Variants in GLB1L2 observed in about 807,000 individuals in gnomAD.
GLB1L2 encodes galactosidase beta 1 like 2, also known as beta-galactosidase-1-like protein 2.
GLB1L2 carries 68 observed loss-of-function variants against 84.1 expected under a neutral mutation model. The ratio of observed to expected loss-of-function variants is 0.81; its 90% CI spans 0.67 to 0.99. GLB1L2 has a LOEUF of 0.99. Ranked by LOEUF, GLB1L2 falls within the 50% of genes least tolerant of loss-of-function variation. The pLI, the probability that GLB1L2 is intolerant of heterozygous loss-of-function variation, is 0.00. For missense variants in GLB1L2, 762 were observed against 805.6 expected (o/e 0.95, Z 0.66); for synonymous variants, 290 against 318.0 (o/e 0.91, Z 0.94).
intron 1 of GLB1L2, among the ~76,000 whole-genome samples, chr11:134,340,136 A>G (rs1255429162): frequency 6.6e-6 from 1 of 152,206 alleles, no homozygotes; most frequent in African/African-American, 2.4e-5. Context: ...TCTCGCACCC[A>G]TAAGTAGATG....
intron 8 of GLB1L2, chr11:134,364,766 A>G: frequency 5.1e-6 from 1 of 197,946 alleles, no homozygotes; most frequent in Middle Eastern, 1.8e-3. Context: ...TTAACCTGTG[A>G]GGCCCCTGCA....
intron 5 of GLB1L2, 35 bp downstream of exon 5, chr11:134,347,468 T>C (rs765119823): frequency 1.4e-6 from 2 of 1,428,480 alleles, no homozygotes; most frequent in South Asian, 1.1e-5. Context: ...GATCTTGGTC[T>C]GTCTTCCTCT....
intron 10 of GLB1L2, among the ~76,000 whole-genome samples, chr11:134,369,158 A>G (rs1196596287): frequency 6.6e-6 from 1 of 152,138 alleles, no homozygotes. Flanking sequence ...ACCTGCAGCT[A>G]GAAATTTAGG....
At chr11:134,362,527 C>T (rs921566878) in intron 7 of GLB1L2, among the ~76,000 whole-genome samples, 4 of 152,230 alleles carry the variant, frequency 2.6e-5, no homozygotes, top group African/African-American at 4.8e-5. Flanking sequence ...GGCCGTGGGG[C>T]TTTTTCAAGA....
intron 16 of GLB1L2, 136 bp downstream of exon 16, chr11:134,373,944 G>A (rs909098114): frequency 2.8e-5 from 21 of 762,086 alleles, no homozygotes; most frequent in Non-Finnish European, 4.4e-5. Flanking sequence ...GGCTGGCCGA[G>A]GTGAGGGGTG....
At chr11:134,336,972 G>A (rs1454516002) in intron 1 of GLB1L2, among the ~76,000 whole-genome samples, 2 of 152,172 alleles carry the variant, frequency 1.3e-5, no homozygotes, top group African/African-American at 4.8e-5. Context: ...CAGAATGTTA[G>A]AACACTTTTT....
At chr11:134,373,869 C>A (rs533738563) in intron 16 of GLB1L2, 61 bp downstream of exon 16, 25 of 1,232,660 alleles carry the variant, frequency 2.0e-5, no homozygotes, top group African/African-American at 1.5e-5. Flanking sequence ...TGGTGGGGCC[C>A]AGGGGTCCCT....
chr11:134,374,161 T>C lies in GLB1L2; in HGVS notation c.1612T>C (p.Trp538Arg). Residue 538 changes from tryptophan (W) to arginine (R), a missense_variant, in exon 17 of 19, where the codon TGG becomes CGG. Trp to Arg is a moderately radical substitution (Grantham distance 101). Coordinates refer to ENST00000535456, the MANE Select transcript of GLB1L2 (RefSeq NM_001370461.1). ...TGTCCTTAGGTTCGGCCTGGACAAA[T>C]GGAGTTCCCTCCCAGAAACACCCAC... is the stretch of plus-strand genomic sequence containing the variant. ...SFFQRFGLDK[W>R]SSLPETPTLP... 6.2e-7 allele frequency: 1 copy of C among 1,613,654 alleles called. No homozygotes were observed. The highest frequency in any genetic ancestry group is 8.5e-7 in the Non-Finnish European group (1 of 1,179,496).
chr11:134,360,683 A>C (rs1943772771), intron 7 of GLB1L2: 2 of 152,068 alleles, frequency 1.3e-5, no homozygotes, highest in Non-Finnish European at 2.9e-5. Flanking sequence ...TTAATTAAAA[A>C]AATTAAATGG....
intron 1 of GLB1L2, among the ~76,000 whole-genome samples, chr11:134,336,823 A>C (rs1034521179): frequency 2.0e-5 from 3 of 152,188 alleles, no homozygotes; most frequent in Non-Finnish European, 4.4e-5. Flanking sequence ...GTCTACAAGC[A>C]TCTTGAAGAT....
intron 1 of GLB1L2, among the ~76,000 whole-genome samples, chr11:134,340,789 G>T (rs1943451382): frequency 6.6e-6 from 1 of 152,232 alleles, no homozygotes; most frequent in Non-Finnish European, 1.5e-5. Flanking sequence ...CCAATACAAT[G>T]ATTTATGAAC....
chr11:134,350,638 G>T (rs570159817), intron 5 of GLB1L2, among the ~76,000 whole-genome samples: 1 of 152,348 alleles, frequency 6.6e-6, no homozygotes, highest in South Asian at 2.1e-4. Context: ...TCTGCGTGCA[G>T]ATCACTGTTA....
At position 134,356,324 on chromosome 11, in the gene GLB1L2, T is replaced by G. The variant is rs376232854; in HGVS notation, c.582T>G (p.Ile194Met). Residue 194 changes from isoleucine (I) to methionine (M), a missense_variant, in exon 6 of 19, where the codon ATT becomes ATG. By Grantham distance (10) the Ile-to-Met change is conservative (BLOSUM62 1). Coordinates refer to ENST00000535456, the MANE Select transcript of GLB1L2 (RefSeq NM_001370461.1). Reference sequence around the variant, plus strand: ...AGTACAAGCGTGGGGGACCTATCATTGCCGTGCAGGTGGAGAATGAATATG... The same window carrying G: ...AGTACAAGCGTGGGGGACCTATCATGGCCGTGCAGGTGGAGAATGAATATG... The part of the protein sequence containing the change: ...PLQYKRGGPI[I>M]AVQVENEYGS... 35 of 1,614,002 alleles carry G rather than the reference T, an allele frequency of 2.2e-5. No homozygotes were observed. The highest frequency in any genetic ancestry group is 2.7e-5 in the Non-Finnish European group (32 of 1,179,964).
chr11:134,367,351 T>TG lies in GLB1L2; in HGVS notation c.889+11dup. 6.2e-7 allele frequency: 1 copy of TG among 1,608,694 alleles called. No homozygotes were observed. Among genetic ancestry groups the TG allele is most frequent in the Non-Finnish European group, 8.5e-7 (1 of 1,175,376 alleles). On this transcript the variant is annotated intron_variant, in intron 9 of 18. Transcript: ENST00000535456. ...ATCTTGGATTCTTCTGGTGAGTGCT[T>TG]GCGGTGACTACATCCAGAATGTGTG... is the stretch of plus-strand genomic sequence containing the variant.
chr11:134,369,873 G>A lies in GLB1L2; in HGVS notation c.1096G>A (p.Gly366Ser), dbSNP rs780632619. Reference protein sequence around the residue: ...AKYMKLRDFFGSISGIPLPPP... With the variant: ...AKYMKLRDFFSSISGIPLPPP... ...GTACATGAAGCTTCGAGACTTCTTC[G>A]GCTCCATCTCAGGTACCCAGCAGAC... is the stretch of plus-strand genomic sequence containing the variant. Residue 366 changes from glycine (G) to serine (S), a missense_variant, in exon 11 of 19, where the codon GGC becomes AGC. Physicochemically the swap from Gly to Ser is moderately conservative, Grantham distance 56. Around this residue, in one of 3 missense-constraint regions of GLB1L2, gnomAD observed 603 missense variants for 611.7 expected, o/e 0.99. Transcript: ENST00000535456. The A allele has an allele frequency of 9.9e-6, 16 of 1,613,486 alleles. No homozygotes were observed. Among genetic ancestry groups the A allele is most frequent in the South Asian group, 4.4e-5 (4 of 91,072 alleles).
chr11:134,341,357 A>G (rs1051790979), intron 1 of GLB1L2, among the ~76,000 whole-genome samples: 3 of 150,848 alleles, frequency 2.0e-5, no homozygotes, highest in Non-Finnish European at 4.4e-5. Context: ...GCTCCTGCCC[A>G]CAGAACTGGT....
chr11:134,352,322 T>A (rs1943645138), intron 5 of GLB1L2, among the ~76,000 whole-genome samples: 1 of 152,194 alleles, frequency 6.6e-6, no homozygotes, highest in Non-Finnish European at 1.5e-5. Flanking sequence ...CTGATTTTAG[T>A]TGAGTCATAT....
chr11:134,362,306 T>C (rs1390803022), intron 7 of GLB1L2, among the ~76,000 whole-genome samples: 3 of 149,894 alleles, frequency 2.0e-5, no homozygotes, highest in Admixed American at 1.3e-4. Context: ...ACAAAAGCGC[T>C]GCCCGCGTTC....
At chr11:134,336,121 G>A (rs917704699) in intron 1 of GLB1L2, among the ~76,000 whole-genome samples, 6 of 152,192 alleles carry the variant, frequency 3.9e-5, no homozygotes, top group South Asian at 2.1e-4. Context: ...TTCTTGACTC[G>A]TGTCTGCCTG....
Sources: gnomAD v4.1 joint callset for allele counts (sites outside exome capture counted in the v4.1 genomes callset) on GRCh38, gnomAD v4.1.1 for gene constraint, gnomAD v4.1.1 regional missense constraint, MANE v1.5 for transcripts, NCBI Gene and HGNC (gene_info 2026-07-23, HGNC 2026-07-21) for gene names.